The following DNAJC11 variants were observed in gnomAD, a reference collection of about 807,000 sequenced individuals.
The protein encoded by DNAJC11 is dnaJ homolog subfamily C member 11.
In DNAJC11, 15 loss-of-function variants were observed where a neutral mutation model predicts 78.6. The ratio of observed to expected loss-of-function variants is 0.19; its 90% confidence interval spans 0.13 to 0.29. DNAJC11 has a LOEUF of 0.29. DNAJC11 is among the 10% of genes least tolerant of loss of function. The pLI is 1.00. For synonymous variants in DNAJC11, 292 were observed against 272.1 expected (o/e 1.07, Z -0.72); for missense variants, 547 against 709.6 (o/e 0.77, Z 2.60).
chr1:6,676,555 C>G (rs1642464918), intron 3 of DNAJC11, among the ~76,000 whole-genome samples: 1 of 152,094 alleles, frequency 6.6e-6, no homozygotes, highest in Non-Finnish European at 1.5e-5. Flanking sequence ...TGGTGTGTGC[C>G]TGTAGTCGCA....
chr1:6,688,378 G>T (rs1035741846), intron 1 of DNAJC11, among the ~76,000 whole-genome samples: 1 of 152,098 alleles, frequency 6.6e-6, no homozygotes, highest in Non-Finnish European at 1.5e-5. Context: ...TATTCCTCAA[G>T]AATACCAGTA....
intron 3 of DNAJC11, among the ~76,000 whole-genome samples, chr1:6,674,828 G>C (rs931356979): frequency 2.0e-5 from 3 of 152,160 alleles, no homozygotes; most frequent in Non-Finnish European, 4.4e-5. Context: ...TTTCTAGTTG[G>C]TGGAGTACTT....
intron 10 of DNAJC11, among the ~76,000 whole-genome samples, chr1:6,642,693 A>AAG (rs779674706): frequency 2.6e-5 from 4 of 152,192 alleles, no homozygotes; most frequent in Non-Finnish European, 4.4e-5. Flanking sequence ...AAAATAAAAA[A>AAG]AGAGAGAGAG....
At chr1:6,682,830 G>A (rs989692456) in intron 1 of DNAJC11, among the ~76,000 whole-genome samples, 6 of 152,094 alleles carry the variant, frequency 3.9e-5, no homozygotes, top group Non-Finnish European at 8.8e-5. Flanking sequence ...AGGCTGAGGT[G>A]GGAGGATCAC....
intron 1 of DNAJC11, among the ~76,000 whole-genome samples, chr1:6,689,875 G>A (rs922653338): frequency 2.6e-5 from 4 of 152,082 alleles, no homozygotes; most frequent in Non-Finnish European, 5.9e-5. Context: ...AGGAAGGACC[G>A]AGACGCATCA....
rs1357581227 is a variant in DNAJC11, at chr1:6,653,128, T to A, written c.508-177A>T. On this transcript the variant is annotated intron_variant, in intron 5 of 15. Transcript: ENST00000377577. This position sits in a 1 kb window ranked among gnomAD's most constrained non-coding sequence, Gnocchi z 4.5. ...TTCACTTTTCTTCCGCTTTGTTATT[T>A]GGTCTGCATGTGACCACGAGGGTAA... Among the ~76,000 whole-genome samples the A allele has an allele frequency of 1.3e-5, 2 of 152,186 alleles. No homozygotes were observed. Among genetic ancestry groups the A allele is most frequent in the African/African-American group, 4.8e-5 (2 of 41,446 alleles).
rs573078751 is a variant in DNAJC11 at position 6,653,055 on chromosome 1, G to A, written c.508-104C>T. 3.1e-5 allele frequency: 41 copies of A among 1,330,828 alleles called. No individual in the cohort carries two copies. The South Asian group carries it at 3.5e-4, about 11-fold the overall frequency. The allele number at this position is 1,330,828 out of a possible 1,614,324, so 82.4% of individuals were successfully genotyped here. On this transcript the variant is annotated intron_variant, in intron 5 of 15. Transcript: ENST00000377577. The surrounding 1 kb of genome is among the most constrained non-coding windows in gnomAD (Gnocchi z 4.5). ...TGAGCCCAAGGCCAAAGGTGCAGAC[G>A]ATTCCTCTGTTCAGAAGCACACATG...
chr1:6,667,652 T>C, intron 4 of DNAJC11, 57 bp downstream of exon 4: 2 of 1,424,644 alleles, frequency 1.4e-6, no homozygotes, highest in Non-Finnish European at 2.0e-6. Flanking sequence ...CAGACCTGGC[T>C]TCTAGTTATG....
chr1:6,689,050 G>T (rs1387673101), intron 1 of DNAJC11, among the ~76,000 whole-genome samples: 1 of 152,142 alleles, frequency 6.6e-6, no homozygotes, highest in East Asian at 1.9e-4. Context: ...TTTATACAGG[G>T]CTTTAAAAAT....
Position 6,640,057 on chromosome 1 carries a change from C to T in DNAJC11, c.1098G>A (p.Lys366=). ...AGTATGTCTGACTGGCCCTGTTGAGCCTGGGGAAAAATACAAAAAAAAAAA... is the reference window on the plus strand; with the variant it reads ...AGTATGTCTGACTGGCCCTGTTGAGTCTGGGGAAAAATACAAAAAAAAAAA... The part of the protein sequence containing the change: ...GVPQGVSLKV[K]LNRASQTYFF... The change falls in exon 11 of 16, where the codon AAG becomes AAA. Residue 366 remains lysine (K), a splice_region_variant and synonymous_variant. Coordinates refer to ENST00000377577, the MANE Select transcript of DNAJC11 (RefSeq NM_018198.4). 4 of 1,523,036 alleles carry T rather than the reference C, an allele frequency of 2.6e-6. No individual in the cohort carries two copies. Among genetic ancestry groups the T allele is most frequent in the Non-Finnish European group, 3.5e-6 (4 of 1,141,122 alleles). 94.3% of individuals were successfully genotyped at this position (1,523,036 alleles called of 1,614,324 possible). A position where few individuals can be genotyped will look rare whatever the true frequency, so the allele number is the denominator to read the frequency against.
intron 1 of DNAJC11, among the ~76,000 whole-genome samples, chr1:6,683,188 CAG>C (rs1300707598): frequency 3.3e-5 from 5 of 152,168 alleles, no homozygotes; most frequent in Non-Finnish European, 7.3e-5. Flanking sequence ...CACTGCCAAA[CAG>C]GGGCTGGCTG....
At chr1:6,643,144 G>C (rs1418940189) in intron 10 of DNAJC11, among the ~76,000 whole-genome samples, 1 of 152,076 alleles carries the variant, frequency 6.6e-6, no homozygotes, top group Non-Finnish European at 1.5e-5. Flanking sequence ...ATCACCCTCT[G>C]ATCTGCCACA....
At chr1:6,668,724 A>T (rs1642330333) in intron 3 of DNAJC11, among the ~76,000 whole-genome samples, 1 of 152,016 alleles carries the variant, frequency 6.6e-6, no homozygotes. Context: ...ACGAGCCACC[A>T]TGTCTGGTGG....
chr1:6,643,359 T>G (rs1160711732), intron 10 of DNAJC11, among the ~76,000 whole-genome samples: 2 of 149,720 alleles, frequency 1.3e-5, no homozygotes, highest in African/African-American at 4.9e-5. Context: ...CACTGCAAGC[T>G]CTGCCTCCCG....
Position 6,656,779 on chromosome 1 carries a change from G to A in DNAJC11, c.379-2740C>T, listed in dbSNP as rs548157224. On this transcript the variant is annotated intron_variant, in intron 4 of 15. Transcript: ENST00000377577. ...GCTGGGAGTGGTGGTATCCGCCTGT[G>A]GTCCCAGTCACCTAGGAGACTGGGA... Among the ~76,000 whole-genome samples, 8 of 151,490 alleles carry A rather than the reference G, an allele frequency of 5.3e-5. No individual in the cohort carries two copies. The South Asian group carries it at 1.7e-3, about 32-fold the overall frequency.
intron 1 of DNAJC11, among the ~76,000 whole-genome samples, chr1:6,689,324 C>T (rs1642704813): frequency 6.6e-6 from 1 of 152,150 alleles, no homozygotes; most frequent in South Asian, 2.1e-4. Flanking sequence ...AGAGGATTCA[C>T]GGATCTACGG....
At chr1:6,650,458 C>T (rs1490635909) in intron 7 of DNAJC11, among the ~76,000 whole-genome samples, 3 of 151,932 alleles carry the variant, frequency 2.0e-5, no homozygotes, top group Admixed American at 6.6e-5. Flanking sequence ...CCTAGTTTTT[C>T]GGGAGGCTGA....
chr1:6,655,886 G>A lies in DNAJC11; in HGVS notation c.379-1847C>T, dbSNP rs866996603. Among the ~76,000 whole-genome samples the A allele has an allele frequency of 7.9e-5, 12 of 151,936 alleles. No homozygotes were observed. The South Asian group carries it at 1.7e-3, about 21-fold the overall frequency. ...TGGGAGGCCGAGGCAGGCGGCTCAC[G>A]AAGTCAGGAGTTTGAGACCAACATG... On this transcript the variant is annotated intron_variant, in intron 4 of 15. Transcript: ENST00000377577.
Position 6,645,663 on chromosome 1 carries a change from C to T in DNAJC11, c.894+126G>A, listed in dbSNP as rs1048802251. 1.3e-5 allele frequency: 14 copies of T among 1,110,560 alleles called. No individual in the cohort carries two copies. Among genetic ancestry groups the T allele is most frequent in the Admixed American group, 2.3e-5 (1 of 44,208 alleles). The allele number at this position is 1,110,560 out of a possible 1,614,324, so 68.8% of individuals were successfully genotyped here. ...GTGTGAGCACCGAGAGCCTGCCCCTCAGGGCCCTGTATGGGCTTAGACTTA... is the reference window on the plus strand; with the variant it reads ...GTGTGAGCACCGAGAGCCTGCCCCTTAGGGCCCTGTATGGGCTTAGACTTA... On this transcript the variant is annotated intron_variant, in intron 8 of 15. Transcript: ENST00000377577. This position sits in a 1 kb window ranked among gnomAD's most constrained non-coding sequence, Gnocchi z 4.1.
Sources: allele counts gnomAD v4.1 joint callset (sites outside exome capture counted in the v4.1 genomes callset), GRCh38; gene constraint gnomAD v4.1.1; non-coding constraint Gnocchi (gnomAD v3.1); transcripts MANE v1.5; gene names NCBI Gene and HGNC (gene_info 2026-07-23, HGNC 2026-07-21).